Variants in SLC17A8 observed in about 807,000 individuals in gnomAD.
SLC17A8 encodes vesicular glutamate transporter 3.
A neutral mutation model predicts 58.0 loss-of-function variants in SLC17A8; 31 were observed. That is an observed-to-expected ratio of 0.53 (90% CI 0.40 to 0.72). The LOEUF is 0.72. SLC17A8 is among the 30% of genes least tolerant of loss of function. The probability of loss-of-function intolerance (pLI) is 0.00; values close to 1 mark genes in which losing one functional copy is unlikely to be tolerated. For synonymous variants in SLC17A8, 228 were observed against 249.0 expected (o/e 0.92, Z 0.79); for missense variants, 655 against 727.8 (o/e 0.90, Z 1.15).
chr12:100,384,880 T>G (rs183701428), intron 2 of SLC17A8, among the ~76,000 whole-genome samples: 3 of 152,158 alleles, frequency 2.0e-5, no homozygotes, highest in African/African-American at 7.2e-5. Context: ...GAGTCTTTCA[T>G]TGGCTTTTCT....
chr12:100,365,809 T>C (rs1952516388), intron 1 of SLC17A8, among the ~76,000 whole-genome samples: 1 of 152,164 alleles, frequency 6.6e-6, no homozygotes, highest in Admixed American at 6.5e-5. Context: ...CTAAATAACA[T>C]AATGTCATCT....
In SLC17A8 at chr12:100,383,251, T is replaced by C. The variant is rs544761838; in HGVS notation, c.354+2298T>C. ...TGCTCTGAGGCATATGGAAAAGACA[T>C]TTTGATTAACCCGAGGAACAATGCT... On this transcript the variant is annotated intron_variant, in intron 2 of 11. Coordinates refer to ENST00000323346, the MANE Select transcript of SLC17A8 (RefSeq NM_139319.3). Among the ~76,000 whole-genome samples the C allele has an allele frequency of 7.9e-5, 12 of 152,314 alleles. No individual in the cohort carries two copies. The South Asian group carries it at 2.5e-3, about 32-fold the overall frequency.
At position 100,357,320 on chromosome 12, in the gene SLC17A8, A is replaced by T. The variant is rs1396619385; in HGVS notation, c.-72A>T. 2.7e-5 allele frequency: 24 copies of T among 883,062 alleles called. No individual in the cohort carries two copies. In the East Asian group the frequency reaches 5.8e-4, roughly 21 times the overall value. 54.7% of individuals were successfully genotyped at this position (883,062 alleles called of 1,614,324 possible). On this transcript the variant is annotated 5_prime_UTR_variant, in exon 1 of 12. Coordinates refer to ENST00000323346, the MANE Select transcript of SLC17A8 (RefSeq NM_139319.3). ...CACCAAGGGAAACAAGGTGGTTCTC[A>T]CACTGGAAATGAGGAAGGATGACAG... is the stretch of plus-strand genomic sequence containing the variant.
chr12:100,376,566 T>C (rs1460352833), intron 1 of SLC17A8, among the ~76,000 whole-genome samples: 2 of 152,236 alleles, frequency 1.3e-5, no homozygotes, highest in East Asian at 3.8e-4. Context: ...CAATTTGTTC[T>C]TGCTTTCTGA....
chr12:100,419,998 GA>G lies in SLC17A8; in HGVS notation c.1610del (p.Glu537GlyfsTer39). 2.5e-6 allele frequency: 4 copies of G among 1,614,062 alleles called. No homozygotes were observed. The highest frequency in any genetic ancestry group is 3.4e-6 in the Non-Finnish European group (4 of 1,179,960). ...AGCTGAGGAGATAGAACTCAACCATGAGAGTTTTGCGAGTCCCAAAAAGAAG... is the reference window on the plus strand; with the variant it reads ...AGCTGAGGAGATAGAACTCAACCATGGAGTTTTGCGAGTCCCAAAAAGAAG... ...ELAEEIELNH[E>X]SFASPKKKMS... On this transcript the variant is annotated frameshift_variant, in exon 12 of 12. Transcript: ENST00000323346. LOFTEE classifies it low-confidence loss of function (END_TRUNC).
intron 1 of SLC17A8, among the ~76,000 whole-genome samples, chr12:100,364,069 A>AAAAAT (rs1952502715): frequency 6.7e-6 from 1 of 149,412 alleles, no homozygotes; most frequent in African/African-American, 2.5e-5. Flanking sequence ...AAAAAAAAAA[A>AAAAAT]GCTTCTTTAG....
At chr12:100,369,699 T>G (rs939227559) in intron 1 of SLC17A8, among the ~76,000 whole-genome samples, 6 of 152,238 alleles carry the variant, frequency 3.9e-5, no homozygotes, top group Admixed American at 6.5e-5. Flanking sequence ...TTTTATTTTG[T>G]TTTGTTTTTG....
At chr12:100,386,413 G>T (rs541649807) in intron 2 of SLC17A8, among the ~76,000 whole-genome samples, 1 of 152,104 alleles carries the variant, frequency 6.6e-6, no homozygotes, top group Admixed American at 6.6e-5. Context: ...TCTCTAGAGC[G>T]TGTTCATTTT....
At position 100,358,415 on chromosome 12, in the gene SLC17A8, C is replaced by T. The variant is rs12581555; in HGVS notation, c.101+923C>T. ...TATCTCTTAAATTTAAAAACTTTTTCATTTAAATGACTATTTCCAGGCAAT... is the reference window on the plus strand; with the variant it reads ...TATCTCTTAAATTTAAAAACTTTTTTATTTAAATGACTATTTCCAGGCAAT... On this transcript the variant is annotated intron_variant, in intron 1 of 11. Transcript: ENST00000323346. Among the ~76,000 whole-genome samples the T allele has an allele frequency of 2.3e-3, 352 of 152,234 alleles. 5 individuals are homozygous for T. The East Asian group carries it at 0.04, about 17-fold the overall frequency.
chr12:100,371,539 T>A (rs1201256138), intron 1 of SLC17A8, among the ~76,000 whole-genome samples: 8 of 152,158 alleles, frequency 5.3e-5, no homozygotes, highest in Non-Finnish European at 1.2e-4. Context: ...GGGCAAGTTT[T>A]TTTTGTTTGT....
At chr12:100,375,688 G>C (rs760280597) in intron 1 of SLC17A8, among the ~76,000 whole-genome samples, 1 of 152,358 alleles carries the variant, frequency 6.6e-6, no homozygotes, top group Middle Eastern at 3.4e-3. Flanking sequence ...TGTATATAGA[G>C]AGCGCTAAGC....
At chr12:100,363,142 C>T (rs143592818) in intron 1 of SLC17A8, among the ~76,000 whole-genome samples, 99 of 152,262 alleles carry the variant, frequency 6.5e-4, no homozygotes, top group African/African-American at 2.3e-3. Flanking sequence ...GAGCAGCAGT[C>T]GTAACCATAT....
intron 1 of SLC17A8, among the ~76,000 whole-genome samples, chr12:100,370,678 C>T (rs553003271): frequency 6.6e-6 from 1 of 151,188 alleles, no homozygotes; most frequent in East Asian, 1.9e-4. Context: ...CAAAACATGG[C>T]TATGGGCCAC....
chr12:100,417,323 C>T (rs1169608249), intron 10 of SLC17A8, among the ~76,000 whole-genome samples: 3 of 152,304 alleles, frequency 2.0e-5, no homozygotes, highest in East Asian at 3.9e-4. Flanking sequence ...CCAAGGGCTT[C>T]ACATACCTAT....
intron 1 of SLC17A8, among the ~76,000 whole-genome samples, chr12:100,377,568 G>GATATATATATATATATAT (rs1203225174): frequency 2.5e-5 from 3 of 121,298 alleles, no homozygotes; most frequent in Admixed American, 8.6e-5. Context: ...ATGGCTTCAA[G>GATATATATATATATATAT]ATATATATAT....
rs570255419 is a variant in SLC17A8 at position 100,373,201 on chromosome 12, A to G, written c.102-7500A>G. Among the ~76,000 whole-genome samples, 2 of 152,294 alleles carry G rather than the reference A, an allele frequency of 1.3e-5. 1 individual carries two copies. Among genetic ancestry groups the G allele is most frequent in the South Asian group, 4.2e-4 (2 of 4,818 alleles). On this transcript the variant is annotated intron_variant, in intron 1 of 11. Transcript: ENST00000323346. ...GAGAATGTCACTCTAGAAAGAATGA[A>G]GATTCTCTGATCTAAAAGACCAACT...
chr12:100,418,771 AT>A (rs150607747), intron 11 of SLC17A8, among the ~76,000 whole-genome samples: 5,902 of 152,154 alleles, frequency 0.039, 162 homozygotes, highest in Middle Eastern at 0.054. Flanking sequence ...ATACCATGGG[AT>A]TTTTTTCCCC....
intron 8 of SLC17A8, 49 bp downstream of exon 8, chr12:100,402,794 T>G: frequency 6.5e-7 from 1 of 1,536,550 alleles, no homozygotes; most frequent in African/African-American, 1.4e-5. Context: ...ATCTCTTGAT[T>G]CTACAGAGAA....
intron 9 of SLC17A8, among the ~76,000 whole-genome samples, chr12:100,411,482 A>G (rs1023537007): frequency 6.6e-6 from 1 of 152,138 alleles, no homozygotes; most frequent in Non-Finnish European, 1.5e-5. Flanking sequence ...CTCTGTCTCA[A>G]AGAAAAAATA....
Sources: gnomAD v4.1 joint callset for allele counts (sites outside exome capture counted in the v4.1 genomes callset) on GRCh38, gnomAD v4.1.1 for gene constraint, MANE v1.5 for transcripts, NCBI Gene and HGNC (gene_info 2026-07-23, HGNC 2026-07-21) for gene names.